SH3RF2: variants seen among roughly 807,000 people sequenced by gnomAD.
The protein encoded by SH3RF2 is E3 ubiquitin-protein ligase SH3RF2.
SH3RF2 carries 43 observed loss-of-function variants against 59.0 expected under a neutral mutation model. That is an observed-to-expected ratio of 0.73 (90% CI 0.57 to 0.94). The LOEUF is 0.94. Ranked by LOEUF, SH3RF2 falls within the 40% of genes least tolerant of loss-of-function variation. The pLI is 0.00. For synonymous variants in SH3RF2, 391 were observed against 391.5 expected, an observed-to-expected ratio of 1.00 and a Z score of 0.01; for missense variants, 930 against 940.1, an observed-to-expected ratio of 0.99 and a Z score of 0.14.
intron 5 of SH3RF2, among the ~76,000 whole-genome samples, chr5:146,029,736 AC>A (rs1469204494): frequency 6.6e-6 from 1 of 152,040 alleles, no homozygotes; most frequent in African/African-American, 2.4e-5. Flanking sequence ...CTATATCACA[AC>A]CCTCTGTGAA....
downstream of SH3RF2, among the ~76,000 whole-genome samples, chr5:146,064,584 G>GA (rs1418970236): frequency 1.2e-4 from 1 of 8,098 alleles, no homozygotes; most frequent in Non-Finnish European, 4.2e-4. Flanking sequence ...AGGAAGGAAG[G>GA]GGGAGAGAGA....
intron 2 of SH3RF2, among the ~76,000 whole-genome samples, chr5:145,967,902 C>T (rs1455462776): frequency 6.6e-6 from 1 of 152,170 alleles, no homozygotes; most frequent in Admixed American, 6.5e-5. Flanking sequence ...TCAAGTGATC[C>T]ACCCACCTTG....
rs575106061 is a variant in SH3RF2 at position 145,938,529 on chromosome 5, G to A, written c.378+223G>A. On this transcript the variant is annotated intron_variant, in intron 2 of 9. Transcript: ENST00000359120. ...CTTTAGAACTATTAAAGCTTCCTAG[G>A]TTCTCCTTTCCTCTAGTCCAGAAAG... Among the ~76,000 whole-genome samples the A allele has an allele frequency of 1.6e-4, 24 of 152,232 alleles. No homozygotes were observed. In the South Asian group the frequency reaches 5.0e-3, roughly 32 times the overall value.
chr5:146,029,832 T>C (rs934872514), intron 5 of SH3RF2, among the ~76,000 whole-genome samples: 7 of 152,072 alleles, frequency 4.6e-5, no homozygotes, highest in African/African-American at 1.7e-4. Flanking sequence ...TCCAAGAAAA[T>C]TGACCATTTT....
chr5:145,998,125 A>G (rs1760243575), intron 2 of SH3RF2: 1 of 474,102 alleles, frequency 2.1e-6, no homozygotes, highest in Non-Finnish European at 3.8e-6. Context: ...ATTTAAACCA[A>G]GTTTTTCCCT....
chr5:145,988,958 G>A lies in SH3RF2; in HGVS notation c.379-11100G>A, dbSNP rs149322958. On this transcript the variant is annotated intron_variant, in intron 2 of 9. Transcript: ENST00000359120. The stretch of plus-strand genomic sequence containing the variant: ...CAAAAAGATTATCACTATGAGCGAA[G>A]GAGGCACAGTGGCTTCGTTGGTTAA... Among the ~76,000 whole-genome samples, 41 of 152,304 alleles carry A rather than the reference G, an allele frequency of 2.7e-4. No individual in the cohort carries two copies. The East Asian group carries it at 7.5e-3, about 28-fold the overall frequency.
chr5:146,076,877 G>A (rs1330333726), intron 9 of SH3RF2, among the ~76,000 whole-genome samples: 1 of 152,082 alleles, frequency 6.6e-6, no homozygotes, highest in Non-Finnish European at 1.5e-5. Flanking sequence ...CAAACCGCTT[G>A]TAAGATCTGA....
intron 9 of SH3RF2, among the ~76,000 whole-genome samples, chr5:146,061,268 G>A (rs963253478): frequency 2.6e-5 from 4 of 152,164 alleles, no homozygotes; most frequent in African/African-American, 9.7e-5. Flanking sequence ...AGACCGCACA[G>A]TTGACACATA....
Position 146,047,761 on chromosome 5 carries a change from T to G in SH3RF2, c.1060-11T>G. ...ATTGGTTCTGCTTGGCTGTCTTTTC[T>G]GTCTGTGCAGGTCAGCACTTATCAC... On this transcript the variant is annotated splice_polypyrimidine_tract_variant and intron_variant, in intron 5 of 9. Transcript: ENST00000359120. The G allele has an allele frequency of 6.2e-7, 1 of 1,613,842 alleles. No homozygotes were observed. Among genetic ancestry groups the G allele is most frequent in the Non-Finnish European group, 8.5e-7 (1 of 1,179,852 alleles).
chr5:145,959,467 A>C (rs1381066230), intron 2 of SH3RF2, among the ~76,000 whole-genome samples: 1 of 152,126 alleles, frequency 6.6e-6, no homozygotes, highest in East Asian at 1.9e-4. Flanking sequence ...AAGGACCCAG[A>C]TAGCTCTGGC....
chr5:146,067,048 T>A (rs1193777505), downstream of SH3RF2, among the ~76,000 whole-genome samples: 2 of 152,106 alleles, frequency 1.3e-5, no homozygotes, highest in Non-Finnish European at 2.9e-5. Context: ...TTGAGCAGCA[T>A]CAAGATCCTT....
At chr5:145,995,250 G>C (rs188344439) in intron 2 of SH3RF2, among the ~76,000 whole-genome samples, 1 of 152,104 alleles carries the variant, frequency 6.6e-6, no homozygotes, top group African/African-American at 2.4e-5. Flanking sequence ...GCTTCCTAAA[G>C]GTTGCTTACT....
intron 2 of SH3RF2, among the ~76,000 whole-genome samples, chr5:145,959,305 G>GAATACATAAAATA (rs1561710123): frequency 4.6e-5 from 7 of 152,082 alleles, no homozygotes; most frequent in Non-Finnish European, 8.8e-5. Context: ...TGAGACTCCT[G>GAATACATAAAATA]ATATGTAATA....
intron 2 of SH3RF2, among the ~76,000 whole-genome samples, chr5:145,992,975 C>T (rs565077979): frequency 1.3e-5 from 2 of 152,220 alleles, no homozygotes; most frequent in South Asian, 2.1e-4. Flanking sequence ...AAGGCAAGTC[C>T]CTTTCACCTA....
chr5:146,020,318 G>GGT (rs1169843171), intron 5 of SH3RF2, among the ~76,000 whole-genome samples: 3 of 151,846 alleles, frequency 2.0e-5, no homozygotes, highest in Non-Finnish European at 4.4e-5. Context: ...ATAAAAGTAC[G>GGT]GTGTGTGTGT....
chr5:146,022,874 AACACACACACACACACACACACACAC>A (rs57377156), intron 5 of SH3RF2, among the ~76,000 whole-genome samples: 211 of 142,054 alleles, frequency 1.5e-3, no homozygotes, highest in Non-Finnish European at 2.3e-3. Flanking sequence ...GCTCCATCTA[AACACACACACACACACACACACACAC>A]ACACACACAC....
chr5:145,989,823 A>T (rs1171809861), intron 2 of SH3RF2, among the ~76,000 whole-genome samples: 1 of 152,142 alleles, frequency 6.6e-6, no homozygotes, highest in Non-Finnish European at 1.5e-5. Flanking sequence ...TGTATGTGTC[A>T]CTGTGGTTGA....
At chr5:145,969,546 C>T (rs969076523) in intron 2 of SH3RF2, among the ~76,000 whole-genome samples, 2 of 152,058 alleles carry the variant, frequency 1.3e-5, no homozygotes, top group African/African-American at 4.8e-5. Context: ...GTAACAGCTA[C>T]AGACATTAGA....
At chr5:145,953,860 C>T (rs1201300097) in intron 2 of SH3RF2, among the ~76,000 whole-genome samples, 1 of 152,154 alleles carries the variant, frequency 6.6e-6, no homozygotes, top group Non-Finnish European at 1.5e-5. Flanking sequence ...GCCTTCAGCT[C>T]CATCCATGTT....
Sources: gnomAD v4.1 joint callset for allele counts (sites outside exome capture counted in the v4.1 genomes callset) on GRCh38, gnomAD v4.1.1 for gene constraint, MANE v1.5 for transcripts, NCBI Gene and HGNC (gene_info 2026-07-23, HGNC 2026-07-21) for gene names.